FOXP2: variants seen among roughly 807,000 people sequenced by gnomAD.
The protein encoded by FOXP2 is forkhead box protein P2.
FOXP2 carries 12 observed loss-of-function variants against 115.8 expected under a neutral mutation model. That is an observed-to-expected ratio of 0.10 (90% CI 0.07 to 0.17). The LOEUF (loss-of-function observed/expected upper bound fraction) is 0.17. Ranked by LOEUF, FOXP2 falls within the 10% of genes least tolerant of loss-of-function variation. FOXP2 has a pLI of 1.00. For missense variants in FOXP2, 629 were observed against 843.5 expected (o/e 0.75, Z 3.15); for synonymous variants, 328 against 297.7 (o/e 1.10, Z -1.05).
At chr7:114,127,785 T>G (rs1479034311) in intron 1 of FOXP2, among the ~76,000 whole-genome samples, 2 of 152,154 alleles carry the variant, frequency 1.3e-5, no homozygotes, top group Admixed American at 1.3e-4. Context: ...TTACTATGAT[T>G]TAAAAAGAAT....
chr7:114,219,842 G>C lies in FOXP2; in HGVS notation c.-102+56754G>C, dbSNP rs111796323. ...GGTTTCTGTTTTCATAATTCTGTGA[G>C]GGTTTTTTTTTTGTTTGTTTGTTTT... On this transcript the variant is annotated intron_variant, in intron 1 of 17. Transcript: ENST00000634411. 5.7e-3 allele frequency among the ~76,000 whole-genome samples: 863 copies of C among 151,724 alleles called. 12 individuals carry two copies. Among genetic ancestry groups the C allele is most frequent in the African/African-American group, 0.02 (825 of 41,348 alleles).
chr7:114,245,823 A>G (rs1191687060), intron 1 of FOXP2, among the ~76,000 whole-genome samples: 1 of 151,360 alleles, frequency 6.6e-6, no homozygotes, highest in Admixed American at 6.6e-5. Context: ...AAAGAACAGA[A>G]AAAAATTTTT....
intron 1 of FOXP2, among the ~76,000 whole-genome samples, chr7:114,424,662 A>T (rs1793762677): frequency 6.6e-6 from 1 of 151,484 alleles, no homozygotes; most frequent in African/African-American, 2.4e-5. Flanking sequence ...AAAATCCATC[A>T]CTATGTATCA....
At chr7:114,376,267 AG>A (rs1792134642) in intron 2 of FOXP2, among the ~76,000 whole-genome samples, 4 of 152,358 alleles carry the variant, frequency 2.6e-5, no homozygotes, top group Middle Eastern at 3.4e-3. Flanking sequence ...CTGAAAATTA[AG>A]GGTTCTATTT....
intron 1 of FOXP2, among the ~76,000 whole-genome samples, chr7:114,229,350 T>C (rs1207959131): frequency 6.6e-6 from 1 of 151,554 alleles, no homozygotes; most frequent in African/African-American, 2.4e-5. Context: ...CAATAGTGGA[T>C]AGAACATTCA....
intron 3 of FOXP2, among the ~76,000 whole-genome samples, chr7:114,592,461 CTT>C (rs1228571749): frequency 6.6e-6 from 1 of 151,944 alleles, no homozygotes; most frequent in Non-Finnish European, 1.5e-5. Flanking sequence ...AATGGCTACT[CTT>C]AATTTATATC....
intron 2 of FOXP2, among the ~76,000 whole-genome samples, chr7:114,493,900 T>C (rs777609730): frequency 1.6e-4 from 25 of 151,934 alleles, no homozygotes; most frequent in Non-Finnish European, 2.8e-4. Flanking sequence ...GACAGGATGT[T>C]ACCATAAGAA....
intron 1 of FOXP2, among the ~76,000 whole-genome samples, chr7:114,210,689 T>A (rs1428663179): frequency 6.6e-6 from 1 of 152,132 alleles, no homozygotes; most frequent in Non-Finnish European, 1.5e-5. Context: ...GTGTGCTGCG[T>A]TGGGGGAAAC....
intron 10 of FOXP2, among the ~76,000 whole-genome samples, chr7:114,655,615 T>G (rs1228076352): frequency 6.6e-6 from 1 of 152,046 alleles, no homozygotes; most frequent in African/African-American, 2.4e-5. Context: ...ACCCTAAAAT[T>G]TATACACTGT....
At chr7:114,397,459 G>A (rs573373821) in intron 2 of FOXP2, among the ~76,000 whole-genome samples, 3 of 152,114 alleles carry the variant, frequency 2.0e-5, no homozygotes, top group South Asian at 2.1e-4. Context: ...ATATAAGGGG[G>A]TGATGGAGGA....
At chr7:114,197,286 C>A (rs888654717) in intron 1 of FOXP2, among the ~76,000 whole-genome samples, 1 of 152,156 alleles carries the variant, frequency 6.6e-6, no homozygotes, top group African/African-American at 2.4e-5. Context: ...AACAAAATAC[C>A]GTAGACTGAG....
At chr7:114,489,547 TCTTTCTCCCTTCTTAGAGCTTGAGAG>T (rs1031019947) in intron 2 of FOXP2, among the ~76,000 whole-genome samples, 40 of 151,912 alleles carry the variant, frequency 2.6e-4, no homozygotes, top group Middle Eastern at 6.8e-3. Context: ...GAATTCCCAA[TCTTTCTCCCTTCTTAGAGCTTGAGAG>T]CTTGAAGCCA....
intron 2 of FOXP2, among the ~76,000 whole-genome samples, chr7:114,468,152 G>A (rs1458209079): frequency 6.6e-6 from 1 of 152,118 alleles, no homozygotes; most frequent in African/African-American, 2.4e-5. Flanking sequence ...CACTTTAAAT[G>A]GATCACTTCT....
At chr7:114,096,378 T>C (rs1391887124) in intron 1 of FOXP2, among the ~76,000 whole-genome samples, 1 of 152,240 alleles carries the variant, frequency 6.6e-6, no homozygotes, top group Non-Finnish European at 1.5e-5. Flanking sequence ...TTGATCAGTT[T>C]ATAATATTCC....
chr7:114,235,665 C>T (rs1794990198), intron 1 of FOXP2, among the ~76,000 whole-genome samples: 1 of 152,134 alleles, frequency 6.6e-6, no homozygotes, highest in African/African-American at 2.4e-5. Flanking sequence ...CCTTACTGTT[C>T]TCAATCATGA....
chr7:114,170,885 C>T (rs1793118518), intron 1 of FOXP2, among the ~76,000 whole-genome samples: 1 of 152,216 alleles, frequency 6.6e-6, no homozygotes, highest in African/African-American at 2.4e-5. Context: ...GAAGATCTAG[C>T]TAAAATCATT....
At chr7:114,538,331 A>C in intron 3 of FOXP2, 1 of 1,303,106 alleles carries the variant, frequency 7.7e-7, no homozygotes, top group Non-Finnish European at 1.0e-6. Flanking sequence ...TACAGCCATG[A>C]GACAGACTTG....
intron 6 of FOXP2, among the ~76,000 whole-genome samples, chr7:114,633,724 A>G (rs1248364215): frequency 6.6e-6 from 1 of 152,212 alleles, no homozygotes; most frequent in Non-Finnish European, 1.5e-5. Context: ...CAGCTACAGT[A>G]AAGGAACCTA....
intron 3 of FOXP2, among the ~76,000 whole-genome samples, chr7:114,565,225 T>C (rs1377960615): frequency 1.3e-5 from 2 of 152,132 alleles, no homozygotes; most frequent in Non-Finnish European, 2.9e-5. Flanking sequence ...TGTTGTATCC[T>C]AATTTACAAG....
Sources: gnomAD v4.1 joint callset for allele counts (sites outside exome capture counted in the v4.1 genomes callset) on GRCh38, gnomAD v4.1.1 for gene constraint, MANE v1.5 for transcripts, NCBI Gene and HGNC (gene_info 2026-07-23, HGNC 2026-07-21) for gene names.